The following SGO2 variants were observed in gnomAD, a reference collection of about 807,000 sequenced individuals.
SGO2 encodes the protein shugoshin-like 2.
A neutral mutation model predicts 99.5 loss-of-function variants in SGO2; 68 were observed. The observed-to-expected ratio is 0.68, with a 90% CI of 0.56 to 0.84. The LOEUF is 0.84. SGO2 is among the 40% of genes least tolerant of loss of function. The probability of loss-of-function intolerance (pLI) is 0.00; values close to 1 mark genes in which losing one functional copy is unlikely to be tolerated. For missense variants in SGO2, 1,350 were observed against 1,436.7 expected, an observed-to-expected ratio of 0.94 and a Z score of 0.97; for synonymous variants, 457 against 487.1, an observed-to-expected ratio of 0.94 and a Z score of 0.81.
At chr2:200,529,546 G>A (rs181476845) in intron 1 of SGO2, among the ~76,000 whole-genome samples, 12 of 152,020 alleles carry the variant, frequency 7.9e-5, no homozygotes, top group Non-Finnish European at 1.6e-4. Flanking sequence ...TTTTTGAGAC[G>A]GAGTCTCACT....
intron 5 of SGO2, among the ~76,000 whole-genome samples, chr2:200,558,662 G>T (rs1417747287): frequency 6.7e-6 from 1 of 149,656 alleles, no homozygotes; most frequent in Non-Finnish European, 1.5e-5. Context: ...TTTATAGTAT[G>T]CCGGTCACTG....
intron 5 of SGO2, among the ~76,000 whole-genome samples, chr2:200,545,154 A>G (rs567117122): frequency 1.1e-4 from 17 of 152,124 alleles, no homozygotes; most frequent in African/African-American, 4.1e-4. Flanking sequence ...CTACAGGTGC[A>G]TGCCATCATG....
Position 200,572,915 on chromosome 2 carries a change from C to A in SGO2, c.2569C>A (p.Gln857Lys). The A allele has an allele frequency of 6.3e-7, 1 of 1,592,688 alleles. No individual in the cohort carries two copies. Among genetic ancestry groups the A allele is most frequent in the Non-Finnish European group, 8.5e-7 (1 of 1,173,498 alleles). The change falls in exon 7 of 9, where the codon CAA becomes AAA. Residue 857 changes from glutamine (Q) to lysine (K), a missense_variant. Coordinates refer to ENST00000357799, the MANE Select transcript of SGO2 (RefSeq NM_152524.6). ...TAAAGAAACAATTTCTGAAAATCTA[C>A]AAGTCACAAATGAATTTCAAACAGT... Reference protein sequence around the residue: ...KDKETISENLQVTNEFQTVDL... With the variant: ...KDKETISENLKVTNEFQTVDL...
chr2:200,536,209 A>T (rs1405582673), intron 4 of SGO2, 67 bp downstream of exon 4: 1 of 984,550 alleles, frequency 1.0e-6, no homozygotes, highest in African/African-American at 1.6e-5. Flanking sequence ...GATTACTTAA[A>T]TAACATCAAG....
chr2:200,553,341 T>C (rs1044951762), intron 5 of SGO2, among the ~76,000 whole-genome samples: 7 of 152,186 alleles, frequency 4.6e-5, no homozygotes, highest in African/African-American at 1.7e-4. Flanking sequence ...ACCAAGCTAA[T>C]AGGGAGTCAC....
At chr2:200,553,459 C>T (rs929602389) in intron 5 of SGO2, among the ~76,000 whole-genome samples, 1 of 152,074 alleles carries the variant, frequency 6.6e-6, no homozygotes, top group Non-Finnish European at 1.5e-5. Flanking sequence ...GATGGGTTCA[C>T]AGGAATAAGC....
At chr2:200,569,567 G>A in intron 5 of SGO2, 96 bp from the exon 6 acceptor site, 1 of 907,498 alleles carries the variant, frequency 1.1e-6, no homozygotes, top group Non-Finnish European at 1.6e-6. Flanking sequence ...TGGATTTGTG[G>A]TTCGATCTTA....
At chr2:200,583,425 T>C in intron 8 of SGO2, 24 bp from the exon 9 acceptor site, 1 of 1,575,540 alleles carries the variant, frequency 6.3e-7, no homozygotes, top group Non-Finnish European at 8.6e-7. Context: ...TTGTTATTAA[T>C]CTTCCTTTTT....
intron 1 of SGO2, among the ~76,000 whole-genome samples, chr2:200,532,654 A>G (rs2031465849): frequency 1.3e-5 from 2 of 151,980 alleles, no homozygotes; most frequent in South Asian, 4.1e-4. Flanking sequence ...TACTTCTTAC[A>G]TTGTATGAAA....
chr2:200,580,269 TC>T (rs1442434970), intron 8 of SGO2, among the ~76,000 whole-genome samples: 1 of 152,164 alleles, frequency 6.6e-6, no homozygotes, highest in Non-Finnish European at 1.5e-5. Flanking sequence ...AAATCTTTTT[TC>T]CCATAATTAT....
chr2:200,533,152 C>A (rs750171869), intron 2 of SGO2, 44 bp downstream of exon 2: 12 of 1,500,682 alleles, frequency 8.0e-6, no homozygotes, highest in Non-Finnish European at 8.9e-7. Flanking sequence ...TTTAACTTTT[C>A]CCCAGAATTG....
In SGO2 at chr2:200,573,093, T is replaced by G; in HGVS notation, c.2747T>G (p.Ile916Arg). The change falls in exon 7 of 9, where the codon ATA (isoleucine) becomes AGA (arginine). Residue 916 changes from isoleucine to arginine, a missense_variant. Ile to Arg is a moderately conservative substitution (Grantham distance 97). Transcript: ENST00000357799. The part of the protein sequence containing the change: ...LRNKVNWKTE[I>R]ISEMNQIYED... ...AATAAAGTGAATTGGAAGACAGAAATAATTTCTGAAATGAACCAGATATAT... is the reference window on the plus strand; with the variant it reads ...AATAAAGTGAATTGGAAGACAGAAAGAATTTCTGAAATGAACCAGATATAT... The G allele has an allele frequency of 6.3e-7, 1 of 1,581,722 alleles. No individual in the cohort carries two copies. Among genetic ancestry groups the G allele is most frequent in the East Asian group, 2.2e-5 (1 of 44,554 alleles).
chr2:200,583,422 T>C (rs748644619), intron 8 of SGO2, 27 bp from the exon 9 acceptor site: 42 of 1,575,918 alleles, frequency 2.7e-5, no homozygotes, highest in Non-Finnish European at 3.6e-5. Context: ...GGGTTGTTAT[T>C]AATCTTCCTT....
chr2:200,542,679 G>A lies in SGO2; in HGVS notation c.473+15G>A, dbSNP rs374844295. On this transcript the variant is annotated intron_variant, in intron 5 of 8. Coordinates refer to ENST00000357799, the MANE Select transcript of SGO2 (RefSeq NM_152524.6). ...CCATTTGCAAGGTAAATATGGGCTT[G>A]AATTACACTAGTTCAGAGTATATAG... 3.4e-5 allele frequency: 54 copies of A among 1,595,460 alleles called. No homozygotes were observed. In the African/African-American group the frequency reaches 6.0e-4, roughly 18 times the overall value.
intron 4 of SGO2, among the ~76,000 whole-genome samples, chr2:200,541,860 T>C (rs2031977356): frequency 6.6e-6 from 1 of 152,250 alleles, no homozygotes; most frequent in African/African-American, 2.4e-5. Flanking sequence ...TGTGAATCCA[T>C]TTCTGGACTC....
Position 200,573,410 on chromosome 2 carries a change from G to T in SGO2, c.3064G>T (p.Asp1022Tyr). 1 of 1,605,532 alleles carries T rather than the reference G, an allele frequency of 6.2e-7. No homozygotes were observed. The highest frequency in any genetic ancestry group is 1.1e-5 in the South Asian group (1 of 88,690). Residue 1022 changes from aspartate to tyrosine, a missense_variant, in exon 7 of 9, where the codon GAT becomes TAT. Physicochemically the swap from Asp to Tyr is radical, Grantham distance 160 (BLOSUM62 -3). Coordinates refer to ENST00000357799, the MANE Select transcript of SGO2 (RefSeq NM_152524.6). ...SSQTSISLESDLKHITSEADS... is the reference protein window; with the variant it reads ...SSQTSISLESYLKHITSEADS... ...ACAGACATCTATCTCCTTAGAATCT[G>T]ATTTAAAACATATTACTAGTGAAGC...
intron 5 of SGO2, among the ~76,000 whole-genome samples, chr2:200,560,531 G>A (rs974275966): frequency 6.6e-6 from 1 of 151,828 alleles, no homozygotes; most frequent in African/African-American, 2.4e-5. Flanking sequence ...TTTCTAGAGA[G>A]AATCATTATT....
At chr2:200,539,138 C>A (rs547779597) in intron 4 of SGO2, among the ~76,000 whole-genome samples, 2 of 152,164 alleles carry the variant, frequency 1.3e-5, no homozygotes, top group South Asian at 4.2e-4. Context: ...GGACCTGGGA[C>A]TTTTCTGATG....
In SGO2 at chr2:200,578,620, G is replaced by A. The variant is rs75839152; in HGVS notation, c.3782+3159G>A. Among the ~76,000 whole-genome samples, 128 of 152,226 alleles carry A rather than the reference G, an allele frequency of 8.4e-4. 1 individual carries two copies. The East Asian group carries it at 0.021, about 25-fold the overall frequency. ...GGCTGTCCTTAGCTTCTTGCCACAC[G>A]GCCTCCTTTACAGCATGGCCACTTA... is the stretch of plus-strand genomic sequence containing the variant. On this transcript the variant is annotated intron_variant, in intron 8 of 8. Coordinates refer to ENST00000357799, the MANE Select transcript of SGO2 (RefSeq NM_152524.6).
Sources: allele counts gnomAD v4.1 joint callset (sites outside exome capture counted in the v4.1 genomes callset), GRCh38; gene constraint gnomAD v4.1.1; transcripts MANE v1.5; gene names NCBI Gene and HGNC (gene_info 2026-07-23, HGNC 2026-07-21).